The following HAPSTR1 variants were observed in gnomAD, a reference collection of about 807,000 sequenced individuals.
HAPSTR1 encodes HUWE1 associated protein modifying stress responses.
the HAPSTR1 span, chr16:9,109,117 T>G: frequency 1.3e-5 from 2 of 152,226 alleles, no homozygotes; most frequent in African/African-American, 4.8e-5. Flanking sequence ...GAACTTTGAC[T>G]GCTTAAATAT....
At chr16:9,102,279 A>G in the HAPSTR1 span, among the ~76,000 whole-genome samples, 5 of 140,256 alleles carry the variant, frequency 3.6e-5, no homozygotes, top group African/African-American at 5.7e-5. Context: ...AAAACTAAAT[A>G]ATAGTCACTT....
the HAPSTR1 span, chr16:9,110,773 C>T: frequency 6.6e-6 from 1 of 152,308 alleles, no homozygotes; most frequent in Non-Finnish European, 1.5e-5. Flanking sequence ...CAGCATGGCT[C>T]ACGCCTGTAA....
the HAPSTR1 span, among the ~76,000 whole-genome samples, chr16:9,102,066 C>G: frequency 6.6e-6 from 1 of 152,118 alleles, no homozygotes; most frequent in African/African-American, 2.4e-5. Flanking sequence ...GAGCTGAGAT[C>G]GAGCCATCGC....
At chr16:9,098,166 C>T in the HAPSTR1 span, among the ~76,000 whole-genome samples, 2 of 152,112 alleles carry the variant, frequency 1.3e-5, no homozygotes, top group Non-Finnish European at 2.9e-5. Context: ...AACCGTATCT[C>T]TACTAAAAAT....
chr16:9,107,720 G>A, the HAPSTR1 span: 1 of 152,274 alleles, frequency 6.6e-6, no homozygotes. Flanking sequence ...GCCCCTACGT[G>A]TTCATACCTC....
chr16:9,106,021 G>A, the HAPSTR1 span: 1 of 152,168 alleles, frequency 6.6e-6, no homozygotes, highest in Non-Finnish European at 1.5e-5. Flanking sequence ...CGTGTAGACA[G>A]AGTATGACAA....
chr16:9,101,473 G>T, the HAPSTR1 span, among the ~76,000 whole-genome samples: 1 of 152,164 alleles, frequency 6.6e-6, no homozygotes, highest in Non-Finnish European at 1.5e-5. Context: ...AGCATATCAG[G>T]TTTCCAAATT....
chr16:9,103,868 C>T, the HAPSTR1 span: 3 of 152,434 alleles, frequency 2.0e-5, no homozygotes, highest in Non-Finnish European at 4.4e-5. Context: ...GCACTCTTGG[C>T]TAAGGGATTT....
At chr16:9,091,965 TGAC>T in the HAPSTR1 span, 2 of 1,225,458 alleles carry the variant, frequency 1.6e-6, no homozygotes, top group Non-Finnish European at 1.1e-6. Flanking sequence ...CCGGGCCGCT[TGAC>T]GACGACGCTC....
chr16:9,116,796 A>G, the HAPSTR1 span: 1 of 1,614,216 alleles, frequency 6.2e-7, no homozygotes, highest in Non-Finnish European at 8.5e-7. Context: ...GAACACTTTC[A>G]TATCAGAAGA....
chr16:9,101,783 G>C, the HAPSTR1 span, among the ~76,000 whole-genome samples: 1 of 146,020 alleles, frequency 6.8e-6, no homozygotes, highest in Non-Finnish European at 1.5e-5. Context: ...TACATTGTTT[G>C]ACTATTGCCC....
chr16:9,115,839 TCCTGA>T, the HAPSTR1 span, among the ~76,000 whole-genome samples: 1 of 152,096 alleles, frequency 6.6e-6, no homozygotes, highest in African/African-American at 2.4e-5. Flanking sequence ...GGTCATGAAC[TCCTGA>T]CCTGAAGAGA....
the HAPSTR1 span, chr16:9,092,162 C>T: frequency 1.3e-6 from 2 of 1,568,130 alleles, no homozygotes; most frequent in South Asian, 1.2e-5. Flanking sequence ...GCAGCTGCCC[C>T]CCGAGCTGCA....
chr16:9,099,422 G>A, the HAPSTR1 span, among the ~76,000 whole-genome samples: 1 of 152,108 alleles, frequency 6.6e-6, no homozygotes, highest in South Asian at 2.1e-4. Context: ...CGAACTCCTG[G>A]CTTCAAGTGA....
At chr16:9,112,561 G>A in the HAPSTR1 span, 62 of 152,434 alleles carry the variant, frequency 4.1e-4, no homozygotes, top group African/African-American at 1.5e-3. Flanking sequence ...CTGAGGCAGT[G>A]AGATGACTGG....
chr16:9,109,309 G>A, the HAPSTR1 span: 1 of 152,120 alleles, frequency 6.6e-6, no homozygotes, highest in Non-Finnish European at 1.5e-5. Flanking sequence ...TGAGGGTTAG[G>A]TGAAAGGGTC....
At chr16:9,099,510 G>A in the HAPSTR1 span, among the ~76,000 whole-genome samples, 2 of 152,144 alleles carry the variant, frequency 1.3e-5, no homozygotes. Flanking sequence ...TTCCTTTTTT[G>A]AATAAGGAAA....
At chr16:9,116,701 G>A in the HAPSTR1 span, 8 of 1,614,000 alleles carry the variant, frequency 5.0e-6, no homozygotes, top group Non-Finnish European at 6.8e-6. Context: ...ATAAGCGTGC[G>A]TTCGAGTACC....
the HAPSTR1 span, chr16:9,102,963 C>G: frequency 6.2e-7 from 1 of 1,608,386 alleles, no homozygotes; most frequent in Non-Finnish European, 8.5e-7. Context: ...TACATGTTTT[C>G]TTTTTCTTTT....
Sources: allele counts gnomAD v4.1 joint callset (sites outside exome capture counted in the v4.1 genomes callset), GRCh38; gene constraint gnomAD v4.1.1; transcripts MANE v1.5; gene names NCBI Gene and HGNC (gene_info 2026-07-23, HGNC 2026-07-21).